CYRIB: variants seen among roughly 807,000 people sequenced by gnomAD.
CYRIB encodes the protein CYFIP-related Rac1 interactor B.
A neutral mutation model predicts 44.2 loss-of-function variants in CYRIB; 8 were observed. That is an observed-to-expected ratio of 0.18 (90% CI 0.11 to 0.33). The LOEUF is 0.33. CYRIB is among the 10% of genes least tolerant of loss of function. CYRIB has a pLI of 1.00. For synonymous variants in CYRIB, 131 were observed against 127.2 expected (o/e 1.03, Z -0.20); for missense variants, 185 against 382.8 (o/e 0.48, Z 4.31).
intron 2 of CYRIB, among the ~76,000 whole-genome samples, chr8:129,884,037 A>G (rs1037704868): frequency 1.2e-4 from 18 of 152,200 alleles, no homozygotes; most frequent in African/African-American, 4.3e-4. Flanking sequence ...TCACAAGAGA[A>G]TGAACCAATA....
At chr8:129,874,175 G>C (rs898885878) in intron 3 of CYRIB, among the ~76,000 whole-genome samples, 1 of 151,754 alleles carries the variant, frequency 6.6e-6, no homozygotes, top group Non-Finnish European at 1.5e-5. Flanking sequence ...GTACCATTTA[G>C]TCAGCTTACA....
chr8:129,963,003 G>T (rs1015890571), intron 2 of CYRIB, among the ~76,000 whole-genome samples: 1 of 152,134 alleles, frequency 6.6e-6, no homozygotes, highest in Non-Finnish European at 1.5e-5. Flanking sequence ...GCATTTGCCT[G>T]CCACAGCGAT....
chr8:129,871,344 G>A, intron 4 of CYRIB, 31 bp downstream of exon 6: 2 of 1,585,456 alleles, frequency 1.3e-6, no homozygotes, highest in Non-Finnish European at 1.7e-6. Context: ...GTAAGTTTCA[G>A]TTAACTAGAA....
chr8:129,971,203 G>C (rs545626339), intron 1 of CYRIB, among the ~76,000 whole-genome samples: 3 of 152,228 alleles, frequency 2.0e-5, no homozygotes, highest in East Asian at 3.9e-4. Flanking sequence ...GCAGTGGCAC[G>C]ATCTCGGCTC....
At chr8:129,980,172 G>C (rs1427265546) in intron 1 of CYRIB, among the ~76,000 whole-genome samples, 1 of 145,962 alleles carries the variant, frequency 6.9e-6, no homozygotes, top group Non-Finnish European at 1.5e-5. Flanking sequence ...AGGTTGCAGT[G>C]AGCCAAGATT....
intron 1 of CYRIB, among the ~76,000 whole-genome samples, chr8:129,939,078 A>G (rs1340877287): frequency 6.6e-6 from 1 of 152,116 alleles, no homozygotes. Flanking sequence ...AGTGATGGGG[A>G]GCGATAAAGA....
chr8:129,945,084 G>T (rs1476627241), intron 2 of CYRIB, among the ~76,000 whole-genome samples: 1 of 152,116 alleles, frequency 6.6e-6, no homozygotes, highest in Non-Finnish European at 1.5e-5. Context: ...GAGAAGTGTG[G>T]CCTCCGGGGA....
In CYRIB at chr8:129,965,893, C is replaced by T. The variant is rs376828541; in HGVS notation, c.-243+5050G>A. ...TGAGGCAGAGTCTTGCTCTTGTCAC[C>T]GAGGCTGGAGTGCAGTGGTGCAGTC... On this transcript the variant is annotated intron_variant, in intron 2 of 14. Transcript: ENST00000401979. Among the ~76,000 whole-genome samples the T allele has an allele frequency of 7.1e-4, 108 of 151,952 alleles. 3 individuals are homozygous for T. The highest frequency in any genetic ancestry group is 2.1e-3 in the African/African-American group (87 of 41,436).
chr8:129,963,094 T>C (rs1216225506), intron 2 of CYRIB, among the ~76,000 whole-genome samples: 3 of 152,236 alleles, frequency 2.0e-5, no homozygotes, highest in Middle Eastern at 3.2e-3. Context: ...GTTGAACTAC[T>C]GGAACAGTGG....
rs534283564 is a variant in CYRIB, at chr8:130,006,649, T to C, written c.-296+9721A>G. ...ATATACATATATATGTGTATATATATACATATATATATGTATATATATATG... is the reference window on the plus strand; with the variant it reads ...ATATACATATATATGTGTATATATACACATATATATATGTATATATATATG... On this transcript the variant is annotated intron_variant, in intron 1 of 14. Transcript: ENST00000401979. Among the ~76,000 whole-genome samples the C allele has an allele frequency of 1.8e-4, 20 of 112,888 alleles. 1 individual carries two copies. The highest frequency in any genetic ancestry group is 7.1e-4 in the African/African-American group (20 of 28,114). 74.1% of individuals were successfully genotyped at this position (112,888 alleles called of 152,430 possible).
chr8:129,903,353 G>C lies in CYRIB; in HGVS notation c.-49-3C>G, dbSNP rs1178203680. On this transcript the variant is annotated splice_region_variant and splice_polypyrimidine_tract_variant and intron_variant, in intron 1 of 11. Transcript: ENST00000519824. ...TGATTCTGTCCTTGTCCTTCTATCTGTTTAAGGAAAGAAAAAAAGGAAGAA... is the reference window on the plus strand; with the variant it reads ...TGATTCTGTCCTTGTCCTTCTATCTCTTTAAGGAAAGAAAAAAAGGAAGAA... 1 of 152,410 alleles carries C rather than the reference G, an allele frequency of 6.6e-6. No homozygotes were observed. The allele number at this position is 152,410 out of a possible 1,614,324, so 9.4% of individuals were successfully genotyped here.
chr8:129,913,097 A>G (rs1315775498), intron 1 of CYRIB, among the ~76,000 whole-genome samples: 1 of 148,886 alleles, frequency 6.7e-6, no homozygotes, highest in African/African-American at 2.5e-5. Flanking sequence ...TCAGCCTCCC[A>G]CGTAGCTGGG....
chr8:129,917,167 A>G (rs753643763), intron 1 of CYRIB, among the ~76,000 whole-genome samples: 11 of 152,238 alleles, frequency 7.2e-5, no homozygotes, highest in Non-Finnish European at 1.5e-4. Context: ...CAAACTGTTT[A>G]AGATTTAAGC....
intron 2 of CYRIB, among the ~76,000 whole-genome samples, chr8:129,951,053 C>G (rs2094474569): frequency 2.6e-5 from 4 of 152,154 alleles, no homozygotes; most frequent in African/African-American, 9.7e-5. Context: ...GCCTATAATC[C>G]CAGCACTTTA....
exon 3 of CYRIB, chr8:129,879,455 T>C (rs1476574571): frequency 6.2e-7 from 1 of 1,609,194 alleles, no homozygotes; most frequent in Non-Finnish European, 8.5e-7. Flanking sequence ...TTAAGAAGAT[T>C]CCCCATGTTA....
chr8:129,967,905 T>G (rs2095549563), intron 2 of CYRIB, among the ~76,000 whole-genome samples: 1 of 152,218 alleles, frequency 6.6e-6, no homozygotes, highest in Non-Finnish European at 1.5e-5. Flanking sequence ...GTAGTGCCAT[T>G]GATACTTCTT....
intron 1 of CYRIB, among the ~76,000 whole-genome samples, chr8:130,011,247 G>T (rs188839691): frequency 4.4e-4 from 67 of 152,292 alleles, no homozygotes; most frequent in African/African-American, 1.6e-3. Flanking sequence ...GCGGCCAGGC[G>T]TAATGGCTCA....
intron 1 of CYRIB, among the ~76,000 whole-genome samples, chr8:130,014,764 G>A (rs1417443867): frequency 1.3e-5 from 2 of 152,186 alleles, no homozygotes; most frequent in African/African-American, 4.8e-5. Flanking sequence ...CCTTCTCCGT[G>A]CTGTGAGCCC....
At chr8:129,998,149 AC>A (rs1426405192) in intron 1 of CYRIB, among the ~76,000 whole-genome samples, 2 of 148,968 alleles carry the variant, frequency 1.3e-5, no homozygotes, top group African/African-American at 5.0e-5. Context: ...CAAAAAAAAC[AC>A]CTCAGAAACG....
Sources: gnomAD v4.1 joint callset for allele counts (sites outside exome capture counted in the v4.1 genomes callset) on GRCh38, gnomAD v4.1.1 for gene constraint, MANE v1.5 for transcripts, NCBI Gene and HGNC (gene_info 2026-07-23, HGNC 2026-07-21) for gene names.